Variants in KIAA1217 observed in about 807,000 individuals in gnomAD.
KIAA1217 encodes sickle tail protein homolog.
A neutral mutation model predicts 163.9 loss-of-function variants in KIAA1217; 88 were observed. The ratio of observed to expected loss-of-function variants is 0.54; its 90% CI spans 0.45 to 0.64. The LOEUF (loss-of-function observed/expected upper bound fraction) is 0.64, where lower values mean the gene tolerates loss of function less well. KIAA1217 is among the 30% of genes least tolerant of loss of function. KIAA1217 has a pLI of 0.00. For missense variants in KIAA1217, 2,372 were observed against 2,475.0 expected (o/e 0.96, Z 0.88); for synonymous variants, 903 against 923.1 (o/e 0.98, Z 0.39).
intron 3 of KIAA1217, among the ~76,000 whole-genome samples, chr10:24,384,380 C>T (rs113040543): frequency 4.6e-5 from 7 of 152,024 alleles, no homozygotes; most frequent in African/African-American, 9.7e-5. Context: ...TTGGCCTCCA[C>T]GCATGAACAG....
At chr10:24,025,649 A>G (rs1486596148) in intron 2 of KIAA1217, among the ~76,000 whole-genome samples, 1 of 151,670 alleles carries the variant, frequency 6.6e-6, no homozygotes, top group Non-Finnish European at 1.5e-5. Context: ...TGAACATGGT[A>G]TGTCTCTCCA....
chr10:24,132,736 C>G (rs1248012540), intron 2 of KIAA1217, among the ~76,000 whole-genome samples: 1 of 152,090 alleles, frequency 6.6e-6, no homozygotes, highest in Non-Finnish European at 1.5e-5. Flanking sequence ...ATATATGGCC[C>G]CCAAGAGTGA....
chr10:23,780,087 C>A (rs1179142681), intron 1 of KIAA1217, among the ~76,000 whole-genome samples: 1 of 152,150 alleles, frequency 6.6e-6, no homozygotes, highest in Non-Finnish European at 1.5e-5. Context: ...CATTAAGGAA[C>A]ACATAATAGG....
rs369487928 is a variant in KIAA1217 at position 24,282,046 on chromosome 10, G to C, written c.354+62137G>C. 3.1e-4 allele frequency among the ~76,000 whole-genome samples: 47 copies of C among 151,914 alleles called. No homozygotes were observed. In the South Asian group the frequency reaches 9.4e-3, roughly 30 times the overall value. ...CACTCCAGCCTGGGTGACAGAGCGAGACTCCATCTCAACAACAACAAAAAA... is the reference window on the plus strand; with the variant it reads ...CACTCCAGCCTGGGTGACAGAGCGACACTCCATCTCAACAACAACAAAAAA... On this transcript the variant is annotated intron_variant, in intron 2 of 20. Transcript: ENST00000376454.
At chr10:23,832,427 T>C (rs1285857339) in intron 1 of KIAA1217, among the ~76,000 whole-genome samples, 1 of 152,168 alleles carries the variant, frequency 6.6e-6, no homozygotes, top group Non-Finnish European at 1.5e-5. Context: ...CTGTCCTTTC[T>C]GGATTTTATG....
intron 2 of KIAA1217, among the ~76,000 whole-genome samples, chr10:24,143,994 G>A (rs1466393742): frequency 1.3e-5 from 2 of 152,120 alleles, no homozygotes; most frequent in Admixed American, 1.3e-4. Context: ...ACCCAACTCT[G>A]TAAAAATGAA....
intron 2 of KIAA1217, among the ~76,000 whole-genome samples, chr10:24,344,988 C>G (rs2047542537): frequency 6.6e-6 from 1 of 152,170 alleles, no homozygotes; most frequent in African/African-American, 2.4e-5. Context: ...AATTTGGTTG[C>G]TTCTGTTCAA....
chr10:23,807,497 C>T (rs1300041828), intron 1 of KIAA1217, among the ~76,000 whole-genome samples: 1 of 152,072 alleles, frequency 6.6e-6, no homozygotes, highest in Non-Finnish European at 1.5e-5. Flanking sequence ...GGCTACAGGT[C>T]AAGTTTAGAA....
intron 3 of KIAA1217, among the ~76,000 whole-genome samples, chr10:24,429,592 T>C (rs1427027351): frequency 1.3e-5 from 2 of 152,196 alleles, no homozygotes; most frequent in African/African-American, 4.8e-5. Context: ...AATTCTGCTC[T>C]CATGGTTCCT....
chr10:23,857,956 T>TA lies in KIAA1217; in HGVS notation c.-320-149257dup, dbSNP rs770985064. Among the ~76,000 whole-genome samples the TA allele has an allele frequency of 3.1e-3, 434 of 140,690 alleles. 2 individuals are homozygous for TA. Among genetic ancestry groups the TA allele is most frequent in the African/African-American group, 8.0e-3 (308 of 38,540 alleles). The allele number at this position is 140,690 out of a possible 152,430, so 92.3% of individuals were successfully genotyped here. A position where few individuals can be genotyped will look rare whatever the true frequency, so the allele number is the denominator to read the frequency against. ...AAACATTTAAATATTTCAATCTGGT[T>TA]AAAAAAAAAAAAGAGGGGTGGGCCA... On this transcript the variant is annotated intron_variant, in intron 1 of 18. Transcript: ENST00000376462.
rs762968095 is a variant in KIAA1217 at position 24,194,762 on chromosome 10, AT to A, written c.-170-24839del. 3.5e-3 allele frequency among the ~76,000 whole-genome samples: 343 copies of A among 97,964 alleles called. 1 individual carries two copies. Among genetic ancestry groups the A allele is most frequent in the Middle Eastern group, 7.8e-3 (1 of 128 alleles). The allele number at this position is 97,964 out of a possible 152,430, so 64.3% of individuals were successfully genotyped here. On this transcript the variant is annotated intron_variant, in intron 2 of 18. Transcript: ENST00000376462. The stretch of plus-strand genomic sequence containing the variant: ...CCTATAGTCACACCCAGCCAATTAA[AT>A]TTTTTTTTTTTTTTTTTTTTTTTTA...
Position 24,091,034 on chromosome 10 carries a change from G to A in KIAA1217, c.-171+83660G>A, listed in dbSNP as rs544346956. On this transcript the variant is annotated intron_variant, in intron 2 of 18. Transcript: ENST00000376462. The stretch of plus-strand genomic sequence containing the variant: ...TACATTTTCTGACTTAAAACTTGTA[G>A]CATTTTCAGATCTATTAAGATGAGA... 3.6e-4 allele frequency among the ~76,000 whole-genome samples: 54 copies of A among 151,926 alleles called. 4 individuals are homozygous for A. Among genetic ancestry groups the A allele is most frequent in the African/African-American group, 1.3e-3 (53 of 41,248 alleles).
At chr10:23,964,018 C>T (rs1435624922) in intron 1 of KIAA1217, among the ~76,000 whole-genome samples, 1 of 151,872 alleles carries the variant, frequency 6.6e-6, no homozygotes, top group African/African-American at 2.4e-5. Flanking sequence ...CTCAACCTCC[C>T]AAGTAACTGG....
At chr10:23,793,706 C>G (rs1390081601) in intron 1 of KIAA1217, among the ~76,000 whole-genome samples, 1 of 152,110 alleles carries the variant, frequency 6.6e-6, no homozygotes, top group East Asian at 1.9e-4. Flanking sequence ...CTGTCTGGAC[C>G]TGGGTTCTTC....
chr10:23,906,298 G>A (rs1044411554), intron 1 of KIAA1217, among the ~76,000 whole-genome samples: 8 of 150,916 alleles, frequency 5.3e-5, no homozygotes, highest in South Asian at 4.2e-4. Flanking sequence ...ACACAAACAC[G>A]TACACACCCC....
intron 1 of KIAA1217, among the ~76,000 whole-genome samples, chr10:23,927,183 A>G (rs1231407636): frequency 6.6e-6 from 1 of 152,116 alleles, no homozygotes; most frequent in Non-Finnish European, 1.5e-5. Flanking sequence ...CTGGGATCCT[A>G]TTTATAAATT....
At chr10:24,448,252 G>GT (rs1477017583) in intron 5 of KIAA1217, among the ~76,000 whole-genome samples, 1 of 151,846 alleles carries the variant, frequency 6.6e-6, no homozygotes, top group Non-Finnish European at 1.5e-5. Flanking sequence ...TGCGTGGGGG[G>GT]GGCTGGAGTT....
rs955348614 is a variant in KIAA1217 at position 24,185,242 on chromosome 10, C to A, written c.-170-34384C>A. ...AGTAGTAAAACCCACAGGTAACCTG[C>A]AGGATAAGGAATTCCAGTTGGGGTA... On this transcript the variant is annotated intron_variant, in intron 2 of 18. Coordinates refer to the KIAA1217 transcript ENST00000376462. Among the ~76,000 whole-genome samples, 15 of 152,116 alleles carry A rather than the reference C, an allele frequency of 9.9e-5. No homozygotes were observed. The East Asian group carries it at 1.4e-3, about 14-fold the overall frequency.
chr10:24,310,929 T>A (rs547518923), intron 2 of KIAA1217, among the ~76,000 whole-genome samples: 1 of 152,054 alleles, frequency 6.6e-6, no homozygotes, highest in African/African-American at 2.4e-5. Context: ...CCTGAAGAGG[T>A]TGAGGTTGCA....
Sources: gnomAD v4.1 joint callset for allele counts (sites outside exome capture counted in the v4.1 genomes callset) on GRCh38, gnomAD v4.1.1 for gene constraint, MANE v1.5 for transcripts, NCBI Gene and HGNC (gene_info 2026-07-23, HGNC 2026-07-21) for gene names.